Variants in PROS1 observed in about 807,000 individuals in gnomAD.
PROS1 encodes protein S, also known as vitamin K-dependent protein S.
In PROS1, 29 loss-of-function variants were observed where a neutral mutation model predicts 75.9. The observed-to-expected ratio is 0.38, with a 90% CI of 0.28 to 0.52. The LOEUF (loss-of-function observed/expected upper bound fraction) is 0.52. PROS1 is among the 20% of genes least tolerant of loss of function. The pLI is 0.83. For synonymous variants in PROS1, 245 were observed against 280.6 expected (o/e 0.87, Z 1.27); for missense variants, 680 against 810.3 (o/e 0.84, Z 1.95).
intron 1 of PROS1, among the ~76,000 whole-genome samples, chr3:93,971,714 G>GGATCCCAT (rs976388238): frequency 2.1e-4 from 32 of 151,278 alleles, no homozygotes; most frequent in Middle Eastern, 6.8e-3. Context: ...TGATCTGGGA[G>GGATCCCAT]GATCCCATGA....
At chr3:93,951,650 C>T (rs554353243) in intron 1 of PROS1, among the ~76,000 whole-genome samples, 10 of 152,264 alleles carry the variant, frequency 6.6e-5, no homozygotes, top group South Asian at 2.1e-4. Flanking sequence ...CATGCCAAAT[C>T]GTAAACACCA....
intron 1 of PROS1, among the ~76,000 whole-genome samples, chr3:93,946,505 A>T (rs1449270877): frequency 6.6e-6 from 1 of 152,188 alleles, no homozygotes; most frequent in African/African-American, 2.4e-5. Flanking sequence ...AATACCACAC[A>T]TCTACAACCA....
In PROS1 at chr3:93,910,753, T is replaced by C. The variant is rs764311842; in HGVS notation, c.260-48A>G. ...TCTTCTTAGAGTAGACACACATACT[T>C]GATCTGAATTCATGGTAGGAACTGT... On this transcript the variant is annotated intron_variant, in intron 3 of 14. Transcript: ENST00000394236. The C allele has an allele frequency of 9.7e-6, 14 of 1,450,422 alleles. No individual in the cohort carries two copies. The Admixed American group carries it at 1.8e-4, about 19-fold the overall frequency. 89.8% of individuals were successfully genotyped at this position (1,450,422 alleles called of 1,614,324 possible).
In PROS1 at chr3:93,927,293, T is replaced by C. The variant is rs1192386862; in HGVS notation, c.191A>G (p.Asn64Ser). ...LERECIEELCNKEEAREVFEN... is the reference protein window; with the variant it reads ...LERECIEELCSKEEAREVFEN... ...AAAGACCTCCCTGGCTTCTTCTTTATTGCACAGTTCTTCGATGCATTCTCT... is the reference window on the plus strand; with the variant it reads ...AAAGACCTCCCTGGCTTCTTCTTTACTGCACAGTTCTTCGATGCATTCTCT... Residue 64 changes from asparagine to serine, a missense_variant, in exon 2 of 15, where the codon AAT becomes AGT. Asn to Ser is a conservative substitution (Grantham distance 46). Transcript: ENST00000394236. 5.6e-6 allele frequency: 9 copies of C among 1,613,160 alleles called. No individual in the cohort carries two copies. Among genetic ancestry groups the C allele is most frequent in the South Asian group, 2.2e-5 (2 of 91,034 alleles).
intron 6 of PROS1, among the ~76,000 whole-genome samples, chr3:93,904,335 T>C (rs1708642727): frequency 6.6e-6 from 1 of 152,190 alleles, no homozygotes; most frequent in Non-Finnish European, 1.5e-5. Flanking sequence ...ATATTCTAAG[T>C]AGTCTCAAAA....
chr3:93,939,288 G>C (rs1420339195), intron 1 of PROS1, among the ~76,000 whole-genome samples: 1 of 151,958 alleles, frequency 6.6e-6, no homozygotes, highest in Non-Finnish European at 1.5e-5. Flanking sequence ...TCCCTCCCTA[G>C]TCTCTGTTCC....
At chr3:93,916,278 T>G (rs150996737) in intron 3 of PROS1, among the ~76,000 whole-genome samples, 69 of 152,314 alleles carry the variant, frequency 4.5e-4, no homozygotes, top group African/African-American at 1.5e-3. Flanking sequence ...GTGTGAAGAC[T>G]TCATTAGAAT....
At chr3:93,935,264 C>T (rs1709165776) in intron 1 of PROS1, among the ~76,000 whole-genome samples, 1 of 152,150 alleles carries the variant, frequency 6.6e-6, no homozygotes, top group East Asian at 1.9e-4. Context: ...TTTCCTAATG[C>T]TACAACAGGA....
chr3:93,942,513 C>A (rs1211686167), intron 1 of PROS1, among the ~76,000 whole-genome samples: 1 of 152,140 alleles, frequency 6.6e-6, no homozygotes, highest in Non-Finnish European at 1.5e-5. Flanking sequence ...GATAAGGTAG[C>A]TAAAGAAGCA....
At chr3:93,875,954 T>C (rs1271644664) in intron 14 of PROS1, among the ~76,000 whole-genome samples, 3 of 152,200 alleles carry the variant, frequency 2.0e-5, no homozygotes, top group Admixed American at 2.0e-4. Flanking sequence ...CAATATTCAG[T>C]TAAAGATGAA....
chr3:93,916,349 A>G (rs566850159), intron 3 of PROS1, among the ~76,000 whole-genome samples: 1 of 152,324 alleles, frequency 6.6e-6, no homozygotes, highest in East Asian at 1.9e-4. Flanking sequence ...AATACAGCCA[A>G]AATTTGAAAG....
chr3:93,888,266 G>A (rs1413597219), intron 10 of PROS1, among the ~76,000 whole-genome samples: 1 of 152,100 alleles, frequency 6.6e-6, no homozygotes, highest in South Asian at 2.1e-4. Context: ...GCCCTTAATG[G>A]TACTTGAGTT....
intron 3 of PROS1, among the ~76,000 whole-genome samples, chr3:93,920,539 A>C (rs903169699): frequency 2.0e-5 from 3 of 152,048 alleles, no homozygotes; most frequent in Admixed American, 2.0e-4. Context: ...TAAATACCTT[A>C]TGTGTTCCTA....
intron 1 of PROS1, among the ~76,000 whole-genome samples, chr3:93,955,582 G>C (rs1187970192): frequency 6.6e-6 from 1 of 151,982 alleles, no homozygotes; most frequent in Non-Finnish European, 1.5e-5. Flanking sequence ...GTCATGGGAT[G>C]GGGGGAGGGG....
intron 9 of PROS1, among the ~76,000 whole-genome samples, chr3:93,893,752 A>T (rs1225933870): frequency 1.3e-5 from 2 of 152,200 alleles, no homozygotes; most frequent in Non-Finnish European, 2.9e-5. Context: ...AACTTAAAAT[A>T]TATCTATTAG....
intron 1 of PROS1, among the ~76,000 whole-genome samples, chr3:93,947,312 T>C (rs1709419512): frequency 6.6e-6 from 1 of 152,170 alleles, no homozygotes; most frequent in Non-Finnish European, 1.5e-5. Context: ...AAGCATCACA[T>C]TAACTATACA....
intron 1 of PROS1, among the ~76,000 whole-genome samples, chr3:93,950,613 C>T (rs1408288829): frequency 2.6e-5 from 4 of 152,232 alleles, no homozygotes; most frequent in Non-Finnish European, 4.4e-5. Context: ...AGACCTGCAG[C>T]TGAGGTTCCT....
intron 1 of PROS1, chr3:93,958,887 T>C (rs570624040): frequency 1.3e-5 from 2 of 152,340 alleles, no homozygotes; most frequent in African/African-American, 4.8e-5. Context: ...CTGCCCAGAC[T>C]CGGGTACGTC....
intron 1 of PROS1, among the ~76,000 whole-genome samples, chr3:93,943,971 C>T (rs1372414992): frequency 6.6e-6 from 1 of 152,210 alleles, no homozygotes; most frequent in Non-Finnish European, 1.5e-5. Context: ...CCTTCACTGA[C>T]TCTCTTTTTG....
Sources: gnomAD v4.1 joint callset for allele counts (sites outside exome capture counted in the v4.1 genomes callset) on GRCh38, gnomAD v4.1.1 for gene constraint, MANE v1.5 for transcripts, NCBI Gene and HGNC (gene_info 2026-07-23, HGNC 2026-07-21) for gene names.